The following SHISA9 variants were observed in gnomAD, a reference collection of about 807,000 sequenced individuals.
SHISA9 encodes the protein protein shisa-9.
In SHISA9, 13 loss-of-function variants were observed where a neutral mutation model predicts 38.0. The ratio of observed to expected loss-of-function variants is 0.34; its 90% CI spans 0.22 to 0.54. The LOEUF (loss-of-function observed/expected upper bound fraction) is 0.54, where lower values mean the gene tolerates loss of function less well. Among genes scored for constraint, SHISA9 ranks in the 20% least tolerant of loss-of-function variants. The probability of loss-of-function intolerance (pLI) is 0.91; values close to 1 mark genes in which losing one functional copy is unlikely to be tolerated. For missense variants in SHISA9, 538 were observed against 575.8 expected (o/e 0.93, Z 0.67); for synonymous variants, 275 against 242.0 (o/e 1.14, Z -1.27).
At chr16:13,140,114 C>T (rs1442792215) in intron 2 of SHISA9, among the ~76,000 whole-genome samples, 5 of 42,230 alleles carry the variant, frequency 1.2e-4, no homozygotes, top group African/African-American at 3.4e-4. Flanking sequence ...CCCTTCCCTT[C>T]CCTTCCCTTC....
the SHISA9 span, among the ~76,000 whole-genome samples, chr16:13,305,958 A>C: frequency 6.6e-6 from 1 of 152,226 alleles, no homozygotes; most frequent in Non-Finnish European, 1.5e-5. Flanking sequence ...GAATGAGAAG[A>C]CAGAGTCCCT....
chr16:13,534,265 C>T, the SHISA9 span, among the ~76,000 whole-genome samples: 1 of 148,622 alleles, frequency 6.7e-6, no homozygotes, highest in African/African-American at 2.5e-5. Flanking sequence ...TGCTCTATTG[C>T]CTGAGCTGGA....
intron 2 of SHISA9, among the ~76,000 whole-genome samples, chr16:13,036,731 C>G (rs1449553588): frequency 7.1e-6 from 1 of 140,914 alleles, no homozygotes; most frequent in Middle Eastern, 3.4e-3. Flanking sequence ...GAATCAGCTT[C>G]TTGAAGTTCA....
the SHISA9 span, among the ~76,000 whole-genome samples, chr16:13,305,265 CTTGTG>C: frequency 2.6e-5 from 4 of 152,074 alleles, no homozygotes; most frequent in South Asian, 6.2e-4. Flanking sequence ...GAGTGTTCCA[CTTGTG>C]TTGTGATGTC....
chr16:13,328,166 C>T, the SHISA9 span, among the ~76,000 whole-genome samples: 1 of 152,126 alleles, frequency 6.6e-6, no homozygotes, highest in East Asian at 1.9e-4. Flanking sequence ...GGCCTCTCAC[C>T]ATCACTTCTT....
chr16:13,540,851 T>C, the SHISA9 span, among the ~76,000 whole-genome samples: 6 of 152,238 alleles, frequency 3.9e-5, no homozygotes, highest in East Asian at 1.2e-3. Context: ...TTCATCACTA[T>C]CTTCTGCTGT....
chr16:12,953,241 A>AC (rs55884557), intron 2 of SHISA9, among the ~76,000 whole-genome samples: 2 of 152,156 alleles, frequency 1.3e-5, no homozygotes, highest in East Asian at 1.9e-4. Flanking sequence ...AACAACAACA[A>AC]AAAACAGCCA....
chr16:13,334,880 GC>G, the SHISA9 span, among the ~76,000 whole-genome samples: 1 of 152,102 alleles, frequency 6.6e-6, no homozygotes. Context: ...CAGGGAGCCT[GC>G]CACATCAATG....
At chr16:13,175,292 GGTGGGAGGATC>G (rs2050722318) in intron 2 of SHISA9, among the ~76,000 whole-genome samples, 1 of 152,206 alleles carries the variant, frequency 6.6e-6, no homozygotes, top group African/African-American at 2.4e-5. Context: ...TGGAGGCTGA[GGTGGGAGGATC>G]GCTCAAGTCC....
chr16:13,367,701 C>CGCGT, the SHISA9 span, among the ~76,000 whole-genome samples: 571 of 66,048 alleles, frequency 8.6e-3, 8 homozygotes, highest in African/African-American at 0.02. Context: ...TGTGCGTGCG[C>CGCGT]GCGCGCGCGC....
At chr16:13,416,474 T>C in the SHISA9 span, among the ~76,000 whole-genome samples, 3 of 152,150 alleles carry the variant, frequency 2.0e-5, no homozygotes, top group Non-Finnish European at 2.9e-5. Context: ...ACACCAGTTC[T>C]CCAACACTGG....
At chr16:13,073,972 T>A (rs1010602992) in intron 2 of SHISA9, among the ~76,000 whole-genome samples, 4 of 147,910 alleles carry the variant, frequency 2.7e-5, no homozygotes, top group Non-Finnish European at 6.0e-5. Flanking sequence ...TTTTTTTGTT[T>A]TTTTTTTTTG....
intron 2 of SHISA9, among the ~76,000 whole-genome samples, chr16:12,920,563 T>C (rs2071315053): frequency 2.0e-5 from 3 of 152,336 alleles, no homozygotes; most frequent in African/African-American, 7.2e-5. Context: ...TTCTCCATGA[T>C]GTGCTTATTT....
At chr16:13,508,902 A>G in the SHISA9 span, among the ~76,000 whole-genome samples, 1 of 152,186 alleles carries the variant, frequency 6.6e-6, no homozygotes, top group African/African-American at 2.4e-5. Context: ...AATTGTGGCA[A>G]TTGTACAAAA....
At chr16:13,318,882 A>G in the SHISA9 span, among the ~76,000 whole-genome samples, 1 of 152,214 alleles carries the variant, frequency 6.6e-6, no homozygotes, top group Non-Finnish European at 1.5e-5. Context: ...TGCTTTCTAA[A>G]TCAAGTCTGA....
chr16:12,992,618 C>G (rs2072402760), intron 2 of SHISA9, among the ~76,000 whole-genome samples: 1 of 152,146 alleles, frequency 6.6e-6, no homozygotes, highest in Non-Finnish European at 1.5e-5. Flanking sequence ...AGAATCTGGT[C>G]TAGATTCCAG....
At chr16:13,262,471 G>T in the SHISA9 span, among the ~76,000 whole-genome samples, 3 of 152,174 alleles carry the variant, frequency 2.0e-5, no homozygotes, top group Non-Finnish European at 4.4e-5. Flanking sequence ...TTATCAGGTT[G>T]TATCACACTT....
intron 3 of SHISA9, among the ~76,000 whole-genome samples, chr16:13,206,544 C>A (rs395137): frequency 0.65 from 98,321 of 152,080 alleles, 33,404 homozygotes; most frequent in African/African-American, 0.87. Flanking sequence ...CCAGGCACTT[C>A]CTAGGTGCTT....
the SHISA9 span, among the ~76,000 whole-genome samples, chr16:13,293,960 G>T: frequency 6.6e-6 from 1 of 152,150 alleles, no homozygotes; most frequent in African/African-American, 2.4e-5. Flanking sequence ...TTGTGCGAAG[G>T]GTTGGGGTAC....
Sources: allele counts gnomAD v4.1 joint callset (sites outside exome capture counted in the v4.1 genomes callset), GRCh38; gene constraint gnomAD v4.1.1; transcripts MANE v1.5; gene names NCBI Gene and HGNC (gene_info 2026-07-23, HGNC 2026-07-21).